The following GALNT13 variants were observed in gnomAD, a reference collection of about 807,000 sequenced individuals.
The protein encoded by GALNT13 is UDP-GalNAc:polypeptide N-acetylgalactosaminyltransferase 13.
In GALNT13, 28 loss-of-function variants were observed where a neutral mutation model predicts 64.2. That is an observed-to-expected ratio of 0.44 (90% CI 0.32 to 0.60). The LOEUF is 0.60. GALNT13 is among the 20% of genes least tolerant of loss of function. The probability of loss-of-function intolerance (pLI) is 0.05; values close to 1 mark genes in which losing one functional copy is unlikely to be tolerated. For missense variants in GALNT13, 577 were observed against 669.8 expected, an observed-to-expected ratio of 0.86 and a Z score of 1.53; for synonymous variants, 214 against 224.6, an observed-to-expected ratio of 0.95 and a Z score of 0.42.
At chr2:153,454,878 A>G in the GALNT13 span, among the ~76,000 whole-genome samples, 4 of 152,256 alleles carry the variant, frequency 2.6e-5, no homozygotes, top group Non-Finnish European at 5.9e-5. Context: ...TTCATGGATA[A>G]TATTCCATAC....
the GALNT13 span, among the ~76,000 whole-genome samples, chr2:153,572,776 C>T: frequency 8.0e-4 from 121 of 151,588 alleles, no homozygotes; most frequent in African/African-American, 2.9e-3. Flanking sequence ...TTATTAATTG[C>T]TAGTTTCATT....
At chr2:153,135,357 C>T in the GALNT13 span, among the ~76,000 whole-genome samples, 3 of 152,244 alleles carry the variant, frequency 2.0e-5, no homozygotes, top group African/African-American at 7.2e-5. Flanking sequence ...CACTTATTCA[C>T]TCCATCTGCG....
the GALNT13 span, among the ~76,000 whole-genome samples, chr2:153,190,584 C>T: frequency 5.3e-5 from 8 of 151,898 alleles, no homozygotes; most frequent in African/African-American, 1.7e-4. Flanking sequence ...TGGTTTCATA[C>T]AAATTTTAGG....
chr2:154,239,054 T>G (rs1689343078), intron 4 of GALNT13, among the ~76,000 whole-genome samples: 1 of 152,088 alleles, frequency 6.6e-6, no homozygotes, highest in Non-Finnish European at 1.5e-5. Flanking sequence ...TTATGCTACA[T>G]TAAATAATGA....
chr2:153,378,220 G>A, the GALNT13 span, among the ~76,000 whole-genome samples: 1 of 151,682 alleles, frequency 6.6e-6, no homozygotes, highest in Non-Finnish European at 1.5e-5. Flanking sequence ...CAGAGCCAAT[G>A]TTCCCAGAAG....
chr2:154,338,853 T>A (rs988767158), intron 9 of GALNT13, among the ~76,000 whole-genome samples: 5 of 152,032 alleles, frequency 3.3e-5, no homozygotes, highest in Non-Finnish European at 5.9e-5. Flanking sequence ...GGCTCCCTCA[T>A]GAGTTGTCTA....
At chr2:154,076,650 C>T (rs1337004026) in intron 3 of GALNT13, among the ~76,000 whole-genome samples, 1 of 151,512 alleles carries the variant, frequency 6.6e-6, no homozygotes, top group Admixed American at 6.6e-5. Flanking sequence ...AAAGTTGGAC[C>T]CTTTTTCTTG....
the GALNT13 span, among the ~76,000 whole-genome samples, chr2:153,447,474 C>G: frequency 6.6e-6 from 1 of 152,136 alleles, no homozygotes; most frequent in Admixed American, 6.5e-5. Context: ...GAAAAATACA[C>G]GTATAATCCT....
At chr2:153,478,923 G>A in the GALNT13 span, 3 of 272,364 alleles carry the variant, frequency 1.1e-5, no homozygotes, top group East Asian at 1.4e-4. Context: ...GGCCCCTTCC[G>A]GCCGCACCGC....
the GALNT13 span, among the ~76,000 whole-genome samples, chr2:153,824,672 CTCAA>C: frequency 3.3e-5 from 5 of 152,250 alleles, no homozygotes; most frequent in Admixed American, 3.3e-4. Flanking sequence ...AATCTGTGTT[CTCAA>C]TCAAATCTCA....
chr2:153,531,448 C>T, the GALNT13 span, among the ~76,000 whole-genome samples: 1 of 152,082 alleles, frequency 6.6e-6, no homozygotes, highest in Non-Finnish European at 1.5e-5. Flanking sequence ...GAAACTGCCC[C>T]CATGGTCTGA....
chr2:154,210,520 C>T (rs1687701268), intron 4 of GALNT13, among the ~76,000 whole-genome samples: 1 of 152,072 alleles, frequency 6.6e-6, no homozygotes, highest in African/African-American at 2.4e-5. Context: ...GGCCAATGTA[C>T]CTACTCATAT....
the GALNT13 span, among the ~76,000 whole-genome samples, chr2:153,205,181 T>TG: frequency 6.7e-3 from 1,010 of 151,740 alleles, 16 homozygotes; most frequent in African/African-American, 0.023. Context: ...TTTAGTGTTT[T>TG]TTTTTTTTTT....
intron 8 of GALNT13, among the ~76,000 whole-genome samples, chr2:154,298,608 T>TAAATTATATATACATTGTATATA: frequency 0.029 from 113 of 3,870 alleles, 19 homozygotes; most frequent in Non-Finnish European, 0.038. Flanking sequence ...AATGTATATA[T>TAAATTATATATACATTGTATATA]TAATTTATAT....
the GALNT13 span, among the ~76,000 whole-genome samples, chr2:153,781,351 C>A: frequency 6.6e-6 from 1 of 152,188 alleles, no homozygotes; most frequent in African/African-American, 2.4e-5. Context: ...TCAGTTTGCT[C>A]ATCCTCACCC....
chr2:153,602,936 G>A, the GALNT13 span, among the ~76,000 whole-genome samples: 1 of 151,886 alleles, frequency 6.6e-6, no homozygotes, highest in Admixed American at 6.6e-5. Context: ...TACAAGATGG[G>A]TCTCAATTCA....
At chr2:153,600,551 A>G in the GALNT13 span, among the ~76,000 whole-genome samples, 1 of 151,766 alleles carries the variant, frequency 6.6e-6, no homozygotes, top group Non-Finnish European at 1.5e-5. Context: ...TCATTTTCCA[A>G]CTCCTGGGTC....
intron 2 of GALNT13, among the ~76,000 whole-genome samples, chr2:153,928,055 G>A (rs544684970): frequency 6.6e-6 from 1 of 152,090 alleles, no homozygotes; most frequent in South Asian, 2.1e-4. Context: ...GCTACTGGGG[G>A]TTCTTTTGTG....
At chr2:153,396,749 T>G in the GALNT13 span, among the ~76,000 whole-genome samples, 1 of 152,192 alleles carries the variant, frequency 6.6e-6, no homozygotes, top group East Asian at 1.9e-4. Flanking sequence ...CTGGGTCAAG[T>G]TGCAATTTTC....
Sources: allele counts gnomAD v4.1 joint callset (sites outside exome capture counted in the v4.1 genomes callset), GRCh38; gene constraint gnomAD v4.1.1; transcripts MANE v1.5; gene names NCBI Gene and HGNC (gene_info 2026-07-23, HGNC 2026-07-21).